Variants in CACNG2 observed in about 807,000 individuals in gnomAD.
The protein encoded by CACNG2 is calcium voltage-gated channel auxiliary subunit gamma 2, also known as voltage-dependent calcium channel gamma-2 subunit.
Under a neutral mutation model 25.9 loss-of-function variants are expected in CACNG2, and 3 were observed. The ratio of observed to expected loss-of-function variants is 0.12; its 90% CI spans 0.05 to 0.30. The LOEUF is 0.30. Ranked by LOEUF, CACNG2 falls within the 10% of genes least tolerant of loss-of-function variation. The probability of loss-of-function intolerance (pLI) is 1.00; values close to 1 mark genes in which losing one functional copy is unlikely to be tolerated. For synonymous variants in CACNG2, 167 were observed against 173.3 expected, an observed-to-expected ratio of 0.96 and a Z score of 0.29; for missense variants, 341 against 432.5, an observed-to-expected ratio of 0.79 and a Z score of 1.88.
At chr22:36,581,397 T>C (rs528441405) in intron 2 of CACNG2, among the ~76,000 whole-genome samples, 9 of 152,320 alleles carry the variant, frequency 5.9e-5, no homozygotes, top group African/African-American at 1.9e-4. Flanking sequence ...ATTAATTGAG[T>C]GCCTTCCTTC....
chr22:36,661,209 A>G (rs1454228556), intron 1 of CACNG2, among the ~76,000 whole-genome samples: 1 of 152,238 alleles, frequency 6.6e-6, no homozygotes, highest in East Asian at 1.9e-4. Context: ...TGAGGCTGCC[A>G]TGTACGTCGG....
intron 2 of CACNG2, among the ~76,000 whole-genome samples, chr22:36,577,908 G>A (rs1935351462): frequency 6.6e-6 from 1 of 152,152 alleles, no homozygotes; most frequent in Non-Finnish European, 1.5e-5. Flanking sequence ...AAGGGGCTGA[G>A]AGCCCTGGGC....
At position 36,589,762 on chromosome 22, in the gene CACNG2, T is replaced by C. The variant is rs117563437; in HGVS notation, c.212-2214A>G. Among the ~76,000 whole-genome samples the C allele has an allele frequency of 2.0e-5, 3 of 152,108 alleles. No individual in the cohort carries two copies. In the East Asian group the frequency reaches 5.8e-4, roughly 29 times the overall value. ...GTCATGGCCCCTCTGCCCTCCTGCATCTTGGGGTGTTAAAAGGAAGCCTTG... is the reference window on the plus strand; with the variant it reads ...GTCATGGCCCCTCTGCCCTCCTGCACCTTGGGGTGTTAAAAGGAAGCCTTG... On this transcript the variant is annotated intron_variant, in intron 1 of 3. Coordinates refer to ENST00000300105, the MANE Select transcript of CACNG2 (RefSeq NM_006078.5).
chr22:36,648,650 T>C (rs1394957868), intron 1 of CACNG2, among the ~76,000 whole-genome samples: 1 of 152,218 alleles, frequency 6.6e-6, no homozygotes. Flanking sequence ...CCAGCTCAAG[T>C]AGCTTTACTC....
At chr22:36,617,492 A>G (rs550504568) in intron 1 of CACNG2, among the ~76,000 whole-genome samples, 1 of 152,002 alleles carries the variant, frequency 6.6e-6, no homozygotes, top group South Asian at 2.1e-4. Flanking sequence ...TTTGTCACTT[A>G]CCAGCTATTC....
chr22:36,576,585 T>C (rs928982971), intron 2 of CACNG2, among the ~76,000 whole-genome samples: 9 of 150,842 alleles, frequency 6.0e-5, no homozygotes, highest in Non-Finnish European at 1.0e-4. Context: ...TGTGTGTGTG[T>C]GTGTGTATGT....
intron 1 of CACNG2, among the ~76,000 whole-genome samples, chr22:36,645,594 C>T (rs904281622): frequency 2.7e-5 from 4 of 146,742 alleles, no homozygotes; most frequent in African/African-American, 5.0e-5. Flanking sequence ...ATTATTATTA[C>T]ATGTGCTTGT....
intron 1 of CACNG2, among the ~76,000 whole-genome samples, chr22:36,627,279 C>T (rs370280409): frequency 6.1e-4 from 80 of 131,228 alleles, no homozygotes; most frequent in Middle Eastern, 3.9e-3. Flanking sequence ...AGAGTGGGGA[C>T]GTGTGTGTGT....
chr22:36,688,393 A>G (rs1244689883), intron 1 of CACNG2, among the ~76,000 whole-genome samples: 1 of 151,892 alleles, frequency 6.6e-6, no homozygotes, highest in Non-Finnish European at 1.5e-5. Flanking sequence ...AAAAAAAATT[A>G]GCTCAGTGTG....
At chr22:36,679,195 TTC>T (rs879324933) in intron 1 of CACNG2, among the ~76,000 whole-genome samples, 2,157 of 71,302 alleles carry the variant, frequency 0.03, 17 homozygotes, top group Admixed American at 0.053. Context: ...CCTTCCTTCC[TTC>T]CTTTCTTTCT....
At chr22:36,635,571 C>T (rs967387592) in intron 1 of CACNG2, among the ~76,000 whole-genome samples, 8 of 152,070 alleles carry the variant, frequency 5.3e-5, no homozygotes, top group African/African-American at 1.2e-4. Context: ...TCATCTGTCC[C>T]GAAGAAATCC....
At chr22:36,596,147 T>G (rs1935675057) in intron 1 of CACNG2, among the ~76,000 whole-genome samples, 1 of 152,194 alleles carries the variant, frequency 6.6e-6, no homozygotes, top group Non-Finnish European at 1.5e-5. Flanking sequence ...TGGAGCGAGC[T>G]GAGGCGTGGG....
chr22:36,570,631 T>C (rs1357469403), intron 2 of CACNG2, among the ~76,000 whole-genome samples: 3 of 151,478 alleles, frequency 2.0e-5, no homozygotes, highest in Non-Finnish European at 2.9e-5. Context: ...GGCATGGTGG[T>C]GCGTGTCAGT....
At chr22:36,664,223 G>GAC (rs151283335) in intron 1 of CACNG2, among the ~76,000 whole-genome samples, 12 of 151,748 alleles carry the variant, frequency 7.9e-5, no homozygotes, top group Non-Finnish European at 1.5e-4. Context: ...AAGAAGGTCA[G>GAC]ACACACACAC....
intron 1 of CACNG2, among the ~76,000 whole-genome samples, chr22:36,597,286 A>G (rs909387768): frequency 6.6e-6 from 1 of 152,136 alleles, no homozygotes; most frequent in African/African-American, 2.4e-5. Context: ...GGCCTCCCAA[A>G]GTGCTGGGAT....
At chr22:36,603,889 A>G (rs1206185683) in intron 1 of CACNG2, among the ~76,000 whole-genome samples, 1 of 152,222 alleles carries the variant, frequency 6.6e-6, no homozygotes, top group Non-Finnish European at 1.5e-5. Flanking sequence ...CACAACATCT[A>G]TTTTGCAGCC....
chr22:36,590,364 C>T (rs1043655584), intron 1 of CACNG2, among the ~76,000 whole-genome samples: 6 of 152,170 alleles, frequency 3.9e-5, no homozygotes, highest in Admixed American at 3.3e-4. Context: ...GTTTTAAAGG[C>T]ACTGAACATG....
intron 1 of CACNG2, among the ~76,000 whole-genome samples, chr22:36,685,734 G>A (rs1937187966): frequency 6.6e-6 from 1 of 152,272 alleles, no homozygotes; most frequent in South Asian, 2.1e-4. Flanking sequence ...GGCGGGGAGA[G>A]CCGCCTACCC....
At chr22:36,669,454 G>T (rs912806664) in intron 1 of CACNG2, among the ~76,000 whole-genome samples, 8 of 140,366 alleles carry the variant, frequency 5.7e-5, no homozygotes, top group Non-Finnish European at 1.1e-4. Context: ...GTTGCAGTGA[G>T]CCAAGATTGT....
Sources: gnomAD v4.1 joint callset for allele counts (sites outside exome capture counted in the v4.1 genomes callset) on GRCh38, gnomAD v4.1.1 for gene constraint, MANE v1.5 for transcripts, NCBI Gene and HGNC (gene_info 2026-07-23, HGNC 2026-07-21) for gene names.